Variants in DENND4C observed in about 807,000 individuals in gnomAD.
DENND4C encodes DENN domain containing 4C, also known as DENN domain-containing protein 4C.
DENND4C carries 108 observed loss-of-function variants against 203.0 expected under a neutral mutation model. That is an observed-to-expected ratio of 0.53 (90% CI 0.46 to 0.62). DENND4C has a LOEUF of 0.62. Ranked by LOEUF, DENND4C falls within the 20% of genes least tolerant of loss-of-function variation. The pLI is 0.00. For synonymous variants in DENND4C, 871 were observed against 792.4 expected, an observed-to-expected ratio of 1.10 and a Z score of -1.67; for missense variants, 2,481 against 2,301.2, an observed-to-expected ratio of 1.08 and a Z score of -1.60.
intron 1 of DENND4C, among the ~76,000 whole-genome samples, chr9:19,232,437 C>T (rs1820815172): frequency 7.2e-6 from 1 of 139,038 alleles, no homozygotes; most frequent in Non-Finnish European, 1.6e-5. Context: ...GCCAATAGTA[C>T]CTCGTGCAGT....
intron 1 of DENND4C, among the ~76,000 whole-genome samples, chr9:19,268,666 T>G (rs1831008051): frequency 6.6e-6 from 1 of 152,160 alleles, no homozygotes; most frequent in African/African-American, 2.4e-5. Context: ...AAGTCTTTAT[T>G]TCTCCTTCAT....
intron 1 of DENND4C, among the ~76,000 whole-genome samples, chr9:19,259,354 C>T (rs7865768): frequency 0.2 from 29,740 of 151,876 alleles, 3,018 homozygotes; most frequent in Admixed American, 0.22. Flanking sequence ...GAAGTGAAAA[C>T]GTGAAGTTTG....
At chr9:19,266,103 C>T (rs1240162750) in intron 1 of DENND4C, among the ~76,000 whole-genome samples, 7 of 152,196 alleles carry the variant, frequency 4.6e-5, no homozygotes, top group African/African-American at 1.4e-4. Flanking sequence ...TTCTCCACAT[C>T]CTCTCCAGCA....
intron 28 of DENND4C, among the ~76,000 whole-genome samples, chr9:19,360,039 A>C (rs1279568849): frequency 6.6e-6 from 1 of 152,018 alleles, no homozygotes; most frequent in Non-Finnish European, 1.5e-5. Flanking sequence ...CTGTTGATTA[A>C]TTTTCTTTTG....
chr9:19,338,703 G>C (rs1821004818), intron 20 of DENND4C, among the ~76,000 whole-genome samples: 1 of 152,136 alleles, frequency 6.6e-6, no homozygotes, highest in Non-Finnish European at 1.5e-5. Flanking sequence ...AATTCACCCA[G>C]GTCCCAGCCT....
At chr9:19,369,068 T>G (rs79450248) in intron 30 of DENND4C, among the ~76,000 whole-genome samples, 3,451 of 152,228 alleles carry the variant, frequency 0.023, 39 homozygotes, top group Non-Finnish European at 0.034. Flanking sequence ...GAGGACTGCT[T>G]GAGCCCAGGA....
At chr9:19,319,190 T>C (rs1842350122) in intron 12 of DENND4C, among the ~76,000 whole-genome samples, 1 of 147,338 alleles carries the variant, frequency 6.8e-6, no homozygotes, top group South Asian at 2.1e-4. Context: ...TGTATATATA[T>C]ACACGTATAT....
rs1365258893 is a variant in DENND4C, at chr9:19,366,520, C to T, written c.5525-3317C>T. 3.9e-5 allele frequency among the ~76,000 whole-genome samples: 6 copies of T among 152,264 alleles called. No individual in the cohort carries two copies. The East Asian group carries it at 9.7e-4, about 25-fold the overall frequency. On this transcript the variant is annotated intron_variant, in intron 30 of 32. Transcript: ENST00000434457. Reference sequence around the variant, plus strand: ...TCGGGAGGCTGAGGCAGGAGAATGGCGTGAACCCAGGAGGCGGAGCTTGCA... The same window carrying T: ...TCGGGAGGCTGAGGCAGGAGAATGGTGTGAACCCAGGAGGCGGAGCTTGCA...
intron 12 of DENND4C, among the ~76,000 whole-genome samples, chr9:19,318,201 C>T (rs974424200): frequency 2.0e-5 from 3 of 152,040 alleles, no homozygotes; most frequent in Non-Finnish European, 2.9e-5. Flanking sequence ...TGCCTGTAAT[C>T]CCAGCTATTC....
At chr9:19,316,922 G>A in intron 12 of DENND4C, 83 bp downstream of exon 12, 2 of 1,198,354 alleles carry the variant, frequency 1.7e-6, no homozygotes, top group South Asian at 1.8e-5. Context: ...AATACTTATT[G>A]TATAAATTAT....
At chr9:19,334,858 A>G in intron 17 of DENND4C, 119 bp from the exon 18 acceptor site, 2 of 1,063,588 alleles carry the variant, frequency 1.9e-6, no homozygotes, top group African/African-American at 1.6e-5. Flanking sequence ...AGATGCTCAA[A>G]GCAGAACAAA....
chr9:19,330,872 A>T (rs1818956704), intron 16 of DENND4C, among the ~76,000 whole-genome samples: 1 of 151,834 alleles, frequency 6.6e-6, no homozygotes, highest in Non-Finnish European at 1.5e-5. Flanking sequence ...CAACATGGTG[A>T]AACTCTGTCT....
rs772246064 is a variant in DENND4C at position 19,234,687 on chromosome 9, G to A, written c.-18+3854G>A. 2.6e-5 allele frequency among the ~76,000 whole-genome samples: 4 copies of A among 151,718 alleles called. No individual in the cohort carries two copies. In the East Asian group the frequency reaches 7.7e-4, roughly 29 times the overall value. ...GGACTATAGGTGCGCGTGCATGTGCGTGCATCACCCCACTTCACTAACTTT... is the reference window on the plus strand; with the variant it reads ...GGACTATAGGTGCGCGTGCATGTGCATGCATCACCCCACTTCACTAACTTT... On this transcript the variant is annotated intron_variant, in intron 1 of 32. Transcript: ENST00000434457.
Position 19,358,199 on chromosome 9 carries a change from A to G in DENND4C, c.5160+39A>G. On this transcript the variant is annotated intron_variant, in intron 28 of 32. Coordinates refer to ENST00000434457, the MANE Select transcript of DENND4C (RefSeq NM_001330640.2). The surrounding 1 kb of genome is among the most constrained non-coding windows in gnomAD (Gnocchi z 4.8). ...ACAACATTGTAATTATACTGCATAC[A>G]CACCTAAGTATATAGTAGAACATTA... 1 of 1,509,106 alleles carries G rather than the reference A, an allele frequency of 6.6e-7. No individual in the cohort carries two copies. The highest frequency in any genetic ancestry group is 9.2e-7 in the Non-Finnish European group (1 of 1,091,372). The allele number at this position is 1,509,106 out of a possible 1,614,324, so 93.5% of individuals were successfully genotyped here.
At chr9:19,327,081 T>C (rs1411688284) in intron 15 of DENND4C, among the ~76,000 whole-genome samples, 1 of 152,154 alleles carries the variant, frequency 6.6e-6, no homozygotes. Context: ...ATGAGGAATG[T>C]ATCTGGGATT....
At chr9:19,233,856 T>A (rs1821206240) in intron 1 of DENND4C, among the ~76,000 whole-genome samples, 1 of 152,246 alleles carries the variant, frequency 6.6e-6, no homozygotes, top group Non-Finnish European at 1.5e-5. Flanking sequence ...GTGCTGGGAT[T>A]ACAGGTGTGA....
rs538665070 is a variant in DENND4C, at chr9:19,296,799, C to G, written c.1040+553C>G. ...GTGAGTGTTCTTCTTCCTATTTATT[C>G]TCTAATAACCAAGAGACAAATAGTT... On this transcript the variant is annotated intron_variant, in intron 6 of 32. Coordinates refer to ENST00000434457, the MANE Select transcript of DENND4C (RefSeq NM_001330640.2). 1.9e-3 allele frequency among the ~76,000 whole-genome samples: 291 copies of G among 152,250 alleles called. 1 individual carries two copies. The highest frequency in any genetic ancestry group is 0.017 in the Middle Eastern group (5 of 294).
chr9:19,286,929 G>C lies in DENND4C; in HGVS notation c.466G>C (p.Ala156Pro), dbSNP rs1331348259. 1 of 1,231,916 alleles carries C rather than the reference G, an allele frequency of 8.1e-7. No individual in the cohort carries two copies. Among genetic ancestry groups the C allele is most frequent in the East Asian group, 3.2e-5 (1 of 31,712 alleles). The allele number at this position is 1,231,916 out of a possible 1,614,324, so 76.3% of individuals were successfully genotyped here. A position where few individuals can be genotyped will look rare whatever the true frequency, so the allele number is the denominator to read the frequency against. ...APPVRPQNSL[A>P]VTDICVIVTS... ...TCCAGTTCGACCCCAGAATTCCTTG[G>C]CTGTAACTGATATCTGTGTTATTGT... Residue 156 changes from alanine (A) to proline (P), a missense_variant, in exon 3 of 33, where the codon GCT (alanine) becomes CCT (proline). Around this residue, in one of 3 missense-constraint regions of DENND4C, gnomAD observed 5 missense variants for 20.5 expected, o/e 0.24. Coordinates refer to ENST00000434457, the MANE Select transcript of DENND4C (RefSeq NM_001330640.2).
chr9:19,313,065 CT>C (rs1313518074), intron 10 of DENND4C, among the ~76,000 whole-genome samples: 2 of 151,668 alleles, frequency 1.3e-5, no homozygotes, highest in Admixed American at 6.6e-5. Context: ...TCTTTTCTCT[CT>C]TTCAGATTGA....
Sources: gnomAD v4.1 joint callset for allele counts (sites outside exome capture counted in the v4.1 genomes callset) on GRCh38, gnomAD v4.1.1 for gene constraint, gnomAD v4.1.1 regional missense constraint, Gnocchi (gnomAD v3.1) non-coding constraint, MANE v1.5 for transcripts, NCBI Gene and HGNC (gene_info 2026-07-23, HGNC 2026-07-21) for gene names.